Variants in CELSR1 observed in about 807,000 individuals in gnomAD.
The protein encoded by CELSR1 is cadherin EGF LAG seven-pass G-type receptor 1, also known as adhesion G protein-coupled receptor C1.
CELSR1 carries 110 observed loss-of-function variants against 249.1 expected under a neutral mutation model. The observed-to-expected ratio is 0.44, with a 90% CI of 0.38 to 0.52. CELSR1 has a LOEUF of 0.52. CELSR1 is among the 20% of genes least tolerant of loss of function. The pLI, the probability that CELSR1 is intolerant of heterozygous loss-of-function variation, is 0.00. For synonymous variants in CELSR1, 2,113 were observed against 1,900.0 expected (o/e 1.11, Z -2.92); for missense variants, 4,109 against 4,296.4 (o/e 0.96, Z 1.22).
At chr22:46,415,832 G>C (rs2079393610) in intron 5 of CELSR1, among the ~76,000 whole-genome samples, 1 of 152,204 alleles carries the variant, frequency 6.6e-6, no homozygotes. Flanking sequence ...GAGGCGCATG[G>C]ACAATTACAC....
intron 5 of CELSR1, among the ~76,000 whole-genome samples, chr22:46,422,459 C>A (rs1032151712): frequency 6.6e-6 from 1 of 150,892 alleles, no homozygotes; most frequent in Non-Finnish European, 1.5e-5. Context: ...CAGGGCCGGG[C>A]GCAGTGGCTC....
At chr22:46,469,899 C>A (rs2080136251) in intron 1 of CELSR1, among the ~76,000 whole-genome samples, 1 of 50,656 alleles carries the variant, frequency 2.0e-5, no homozygotes, top group African/African-American at 8.1e-5. Context: ...CTTGTTCCTG[C>A]TGCATCCGTC....
intron 1 of CELSR1, among the ~76,000 whole-genome samples, chr22:46,483,457 C>T (rs2080286688): frequency 6.7e-6 from 1 of 149,752 alleles, no homozygotes; most frequent in Non-Finnish European, 1.5e-5. Context: ...AGTGGCAGCC[C>T]ACAGGTTTTC....
intron 26 of CELSR1, 145 bp from the exon 27 acceptor site, chr22:46,369,403 C>A (rs560355126): frequency 4.3e-6 from 3 of 700,404 alleles, no homozygotes; most frequent in South Asian, 3.5e-5. Context: ...GCGAAGCACA[C>A]CTGTCCACCC....
At position 46,472,888 on chromosome 22, in the gene CELSR1, G is replaced by A. The variant is rs73452237; in HGVS notation, c.3545-8543C>T. On this transcript the variant is annotated intron_variant, in intron 1 of 34. Transcript: ENST00000674500. The surrounding 1 kb of genome is among the most constrained non-coding windows in gnomAD (Gnocchi z 7.0). ...GCTATGGCTCTCCCTGTGTCGTCAC[G>A]GCTCTGTCTTCTGTTCACCGCACCG... 0.013 allele frequency among the ~76,000 whole-genome samples: 1,946 copies of A among 152,254 alleles called. 45 individuals are homozygous for A. Among genetic ancestry groups the A allele is most frequent in the African/African-American group, 0.045 (1,862 of 41,540 alleles).
In CELSR1 at chr22:46,447,725, T is replaced by C. The variant is rs2079836397; in HGVS notation, c.4184-8314A>G. 6.6e-6 allele frequency among the ~76,000 whole-genome samples: 1 copy of C among 152,202 alleles called. No homozygotes were observed. Among genetic ancestry groups the C allele is most frequent in the Admixed American group, 6.5e-5 (1 of 15,278 alleles). On this transcript the variant is annotated intron_variant, in intron 2 of 34. Coordinates refer to ENST00000674500, the MANE Select transcript of CELSR1 (RefSeq NM_001378328.1). The surrounding 1 kb of genome is among the most constrained non-coding windows in gnomAD (Gnocchi z 4.7). The stretch of plus-strand genomic sequence containing the variant: ...ACCTCCACCTCCCAGGTTCAAGCGA[T>C]TCTCCTGCCTCAGCCTCCCGAGTTG...
chr22:46,510,654 G>A (rs5767239), intron 1 of CELSR1, among the ~76,000 whole-genome samples: 94,961 of 152,002 alleles, frequency 0.62, 30,312 homozygotes, highest in East Asian at 0.77. Context: ...AAAGGAAAAG[G>A]CCCCTGGGCT....
chr22:46,508,154 G>A lies in CELSR1; in HGVS notation c.3544+25473C>T, dbSNP rs6008878. Among the ~76,000 whole-genome samples, 1,097 of 150,444 alleles carry A rather than the reference G, an allele frequency of 7.3e-3. 14 individuals are homozygous for A. Among genetic ancestry groups the A allele is most frequent in the African/African-American group, 0.026 (1,042 of 40,846 alleles). On this transcript the variant is annotated intron_variant, in intron 1 of 34. Coordinates refer to ENST00000674500, the MANE Select transcript of CELSR1 (RefSeq NM_001378328.1). ...TGCAGGCGTAGACCCCCTCCCCCAC[G>A]GCTCCTAGGACACCAGCTGACCCCC...
rs138315924 is a variant in CELSR1, at chr22:46,436,568, C to T, written c.4407-279G>A. Among the ~76,000 whole-genome samples, 28 of 152,246 alleles carry T rather than the reference C, an allele frequency of 1.8e-4. No individual in the cohort carries two copies. In the East Asian group the frequency reaches 4.4e-3, roughly 24 times the overall value. The stretch of plus-strand genomic sequence containing the variant: ...CCATTTGCACAACATGCTACAAGTA[C>T]GACCAGCGGCCAGGACACCTGTTAC... On this transcript the variant is annotated intron_variant, in intron 3 of 34. Coordinates refer to ENST00000674500, the MANE Select transcript of CELSR1 (RefSeq NM_001378328.1). The surrounding 1 kb of genome is among the most constrained non-coding windows in gnomAD (Gnocchi z 5.9).
Position 46,391,687 on chromosome 22 carries a change from G to A in CELSR1, c.6094C>T (p.Gln2032Ter). 3 of 1,609,770 alleles carry A rather than the reference G, an allele frequency of 1.9e-6. No homozygotes were observed. The highest frequency in any genetic ancestry group is 2.5e-6 in the Non-Finnish European group (3 of 1,179,382). ...AACGGGTTGTCGCAGCGGTTGCACT[G>A]GCGGCCGATGACGCCGGGCTTGCAG... The part of the protein sequence containing the change: ...CACKPGVIGR[Q>*]CNRCDNPFAE... Residue 2032 changes from glutamine to a stop codon, truncating the protein, a stop_gained, in exon 15 of 35, where the codon CAG becomes TAG. Coordinates refer to ENST00000674500, the MANE Select transcript of CELSR1 (RefSeq NM_001378328.1). LOFTEE classifies it high-confidence loss of function. The surrounding 1 kb of genome is among the most constrained non-coding windows in gnomAD (Gnocchi z 4.3).
chr22:46,458,961 C>T (rs1225974316), intron 2 of CELSR1, among the ~76,000 whole-genome samples: 1 of 152,074 alleles, frequency 6.6e-6, no homozygotes, highest in Non-Finnish European at 1.5e-5. Context: ...GGCATGATCT[C>T]GGGTCACTGC....
In CELSR1 at chr22:46,408,860, C is replaced by G. The variant is rs909531141; in HGVS notation, c.5226+136G>C. 2 of 674,688 alleles carry G rather than the reference C, an allele frequency of 3.0e-6. No individual in the cohort carries two copies. Among genetic ancestry groups the G allele is most frequent in the East Asian group, 2.9e-5 (1 of 34,628 alleles). 41.8% of individuals were successfully genotyped at this position (674,688 alleles called of 1,614,324 possible). The stretch of plus-strand genomic sequence containing the variant: ...GGCTGATATTCCCCTTCCCCCTCTT[C>G]GGAGAACCCCAGGGGCGGGCGCCGG... On this transcript the variant is annotated intron_variant, in intron 9 of 34. Coordinates refer to ENST00000674500, the MANE Select transcript of CELSR1 (RefSeq NM_001378328.1). The surrounding 1 kb of genome is among the most constrained non-coding windows in gnomAD (Gnocchi z 4.6).
chr22:46,470,033 C>G (rs1212263574), intron 1 of CELSR1, among the ~76,000 whole-genome samples: 3 of 53,954 alleles, frequency 5.6e-5, no homozygotes, highest in Admixed American at 5.5e-4. Context: ...TATGGTGTCA[C>G]TTTAACTCCA....
rs750623060 is a variant in CELSR1 at position 46,369,117 on chromosome 22, T to TGGACGTCGGGGTCTCA, written c.7952+46_7952+61dup. 2.0e-6 allele frequency: 3 copies of TGGACGTCGGGGTCTCA among 1,538,046 alleles called. No homozygotes were observed. In the South Asian group the frequency reaches 3.4e-5, roughly 17 times the overall value. On this transcript the variant is annotated intron_variant, in intron 27 of 34. Transcript: ENST00000674500. ...TCATGGGGCCCCACCCCGCAGAGAC[T>TGGACGTCGGGGTCTCA]GGACGTCGGGGTCTCAGGGCCCAGC... is the stretch of plus-strand genomic sequence containing the variant.
rs369325288 is a variant in CELSR1 at position 46,534,450 on chromosome 22, G to A, written c.2721C>T (p.Pro907=). The change falls in exon 1 of 35, where the codon CCC becomes CCT. Residue 907 remains proline (P), a synonymous_variant. Coordinates refer to ENST00000674500, the MANE Select transcript of CELSR1 (RefSeq NM_001378328.1). This position sits in a 1 kb window ranked among gnomAD's most constrained non-coding sequence, Gnocchi z 9.7. ...CAGAGACCTGGAGGATGCTGGTCGA[G>A]GGTGGAGCATCCTCAAAGATGGAAC... is the stretch of plus-strand genomic sequence containing the variant. The part of the protein sequence containing the change: ...YQGSIFEDAP[P]STSILQVSAT... 82 of 1,612,924 alleles carry A rather than the reference G, an allele frequency of 5.1e-5. No homozygotes were observed. Among genetic ancestry groups the A allele is most frequent in the Non-Finnish European group, 6.9e-5 (81 of 1,180,012 alleles).
At chr22:46,529,161 G>C (rs900387662) in intron 1 of CELSR1, among the ~76,000 whole-genome samples, 2 of 151,388 alleles carry the variant, frequency 1.3e-5, no homozygotes, top group African/African-American at 4.9e-5. Context: ...AGCTACTCAG[G>C]AGGCTGAGGC....
Position 46,439,224 on chromosome 22 carries a change from G to GT in CELSR1, c.4370_4371insA (p.Leu1458ProfsTer30), listed in dbSNP as rs1569163460. 1 of 1,614,034 alleles carries GT rather than the reference G, an allele frequency of 6.2e-7. No individual in the cohort carries two copies. The highest frequency in any genetic ancestry group is 2.2e-5 in the East Asian group (1 of 44,888). ...TGGTGAAGTGGAAGCGCTGTCTCAG[G>GT]CCCCGGAAGGTGACGAAGGACTGGG... On this transcript the variant is annotated frameshift_variant, in exon 3 of 35. Transcript: ENST00000674500. LOFTEE classifies it high-confidence loss of function.
Position 46,401,500 on chromosome 22 carries a change from T to G in CELSR1, c.5227-1598A>C, listed in dbSNP as rs190267150. On this transcript the variant is annotated intron_variant, in intron 9 of 34. Transcript: ENST00000674500. This position sits in a 1 kb window ranked among gnomAD's most constrained non-coding sequence, Gnocchi z 4.7. ...GCTTCCCTGCAAGGCCGTCAGCTGG[T>G]TCTGGAAGACACAGTGGAGGCTGAG... Among the ~76,000 whole-genome samples the G allele has an allele frequency of 6.6e-6, 1 of 152,338 alleles. No individual in the cohort carries two copies. The highest frequency in any genetic ancestry group is 1.9e-4 in the East Asian group (1 of 5,176).
At chr22:46,432,364 G>T (rs1327494866) in intron 5 of CELSR1, among the ~76,000 whole-genome samples, 1 of 152,222 alleles carries the variant, frequency 6.6e-6, no homozygotes, top group Non-Finnish European at 1.5e-5. Flanking sequence ...CTCCATAGAA[G>T]GACTGGGTCG....
Sources: gnomAD v4.1 joint callset for allele counts (sites outside exome capture counted in the v4.1 genomes callset) on GRCh38, gnomAD v4.1.1 for gene constraint, Gnocchi (gnomAD v3.1) non-coding constraint, MANE v1.5 for transcripts, NCBI Gene and HGNC (gene_info 2026-07-23, HGNC 2026-07-21) for gene names.